Variants in CEMIP observed in about 807,000 individuals in gnomAD.
CEMIP encodes cell migration inducing hyaluronidase 1, also known as cell migration-inducing and hyaluronan-binding protein.
In CEMIP, 105 loss-of-function variants were observed where a neutral mutation model predicts 156.9. The observed-to-expected ratio is 0.67, with a 90% CI of 0.57 to 0.79. The LOEUF (loss-of-function observed/expected upper bound fraction) is 0.79, where lower values mean the gene tolerates loss of function less well. CEMIP is among the 30% of genes least tolerant of loss of function. The pLI, the probability that CEMIP is intolerant of heterozygous loss-of-function variation, is 0.00. For synonymous variants in CEMIP, 676 were observed against 668.4 expected, an observed-to-expected ratio of 1.01 and a Z score of -0.17; for missense variants, 1,457 against 1,769.4, an observed-to-expected ratio of 0.82 and a Z score of 3.17.
chr15:80,904,477 G>C (rs767191136), intron 12 of CEMIP, among the ~76,000 whole-genome samples: 1 of 152,202 alleles, frequency 6.6e-6, no homozygotes. Flanking sequence ...ACCCATGAAT[G>C]TTAGCTTATG....
intron 25 of CEMIP, among the ~76,000 whole-genome samples, chr15:80,938,425 T>G (rs1217398340): frequency 6.6e-6 from 1 of 152,082 alleles, no homozygotes; most frequent in East Asian, 1.9e-4. Context: ...GCCAACATGG[T>G]GAAACCCCGT....
intron 7 of CEMIP, among the ~76,000 whole-genome samples, chr15:80,885,032 A>C (rs190871147): frequency 1.7e-3 from 263 of 152,300 alleles, no homozygotes; most frequent in African/African-American, 6.1e-3. Flanking sequence ...TATTAAGCCC[A>C]GCATCCACTA....
Position 80,882,401 on chromosome 15 carries a change from T to C in CEMIP, c.617+1265T>C, listed in dbSNP as rs545331357. On this transcript the variant is annotated intron_variant, in intron 6 of 29. Coordinates refer to ENST00000394685, the MANE Select transcript of CEMIP (RefSeq NM_001293298.2). Reference sequence around the variant, plus strand: ...TCACAAGGTTGGAAAGTGTTGGAGATGGGATTCAAACCCAGGTGTGCCTGT... The same window carrying C: ...TCACAAGGTTGGAAAGTGTTGGAGACGGGATTCAAACCCAGGTGTGCCTGT... Among the ~76,000 whole-genome samples, 7 of 152,358 alleles carry C rather than the reference T, an allele frequency of 4.6e-5. No homozygotes were observed. The South Asian group carries it at 1.2e-3, about 27-fold the overall frequency.
intron 1 of CEMIP, among the ~76,000 whole-genome samples, chr15:80,863,044 G>A (rs920983880): frequency 3.9e-5 from 6 of 152,178 alleles, no homozygotes; most frequent in Non-Finnish European, 4.4e-5. Flanking sequence ...CTGTAGGAGG[G>A]GCAGGCTGGC....
chr15:80,921,601 C>T (rs1468099229), intron 16 of CEMIP, among the ~76,000 whole-genome samples: 1 of 152,162 alleles, frequency 6.6e-6, no homozygotes, highest in African/African-American at 2.4e-5. Context: ...CTGCTCTCAC[C>T]CACCCGTCCA....
intron 25 of CEMIP, among the ~76,000 whole-genome samples, chr15:80,938,429 A>AC (rs1201333632): frequency 6.6e-6 from 1 of 152,024 alleles, no homozygotes; most frequent in Non-Finnish European, 1.5e-5. Flanking sequence ...ACATGGTGAA[A>AC]CCCCGTCTCT....
chr15:80,807,469 C>T (rs1321653055), intron 1 of CEMIP, among the ~76,000 whole-genome samples: 1 of 152,182 alleles, frequency 6.6e-6, no homozygotes, highest in Non-Finnish European at 1.5e-5. Flanking sequence ...AAATGATCCT[C>T]CTGCCTTGGC....
chr15:80,943,830 A>G (rs976905701), intron 28 of CEMIP, among the ~76,000 whole-genome samples: 1 of 152,074 alleles, frequency 6.6e-6, no homozygotes, highest in African/African-American at 2.4e-5. Context: ...AGTTGCCCCA[A>G]CTCCAACCCA....
intron 1 of CEMIP, among the ~76,000 whole-genome samples, chr15:80,781,031 T>C (rs898987539): frequency 6.6e-6 from 1 of 152,152 alleles, no homozygotes; most frequent in African/African-American, 2.4e-5. Flanking sequence ...TGTGGTTCTC[T>C]GGCTTTTCTA....
chr15:80,929,136 C>A lies in CEMIP; in HGVS notation c.2574C>A (p.Gly858=), dbSNP rs568369498. 6 of 1,614,176 alleles carry A rather than the reference C, an allele frequency of 3.7e-6. No homozygotes were observed. In the African/African-American group the frequency reaches 8.0e-5, roughly 22 times the overall value. The change falls in exon 21 of 30, where the codon GGC becomes GGA. Residue 858 remains glycine (G), a synonymous_variant. Coordinates refer to ENST00000394685, the MANE Select transcript of CEMIP (RefSeq NM_001293298.2). The stretch of plus-strand genomic sequence containing the variant: ...TGGACAATAGGATCTGGGGCCCTGG[C>A]GGCTTGGACCATAGCGGAAGGACCC... The part of the protein sequence containing the change: ...EMMDNRIWGP[G]GLDHSGRTLP...
intron 1 of CEMIP, among the ~76,000 whole-genome samples, chr15:80,822,298 G>A (rs55653454): frequency 2.6e-5 from 4 of 151,958 alleles, no homozygotes; most frequent in Non-Finnish European, 4.4e-5. Flanking sequence ...GTTGCCTGCC[G>A]CTGGGGCTAC....
At chr15:80,800,426 A>G (rs1273600275) in intron 1 of CEMIP, among the ~76,000 whole-genome samples, 1 of 152,156 alleles carries the variant, frequency 6.6e-6, no homozygotes, top group African/African-American at 2.4e-5. Flanking sequence ...GAATGAATAA[A>G]ATCATTAATG....
At chr15:80,895,589 T>C (rs558105674) in intron 11 of CEMIP, among the ~76,000 whole-genome samples, 19 of 152,286 alleles carry the variant, frequency 1.2e-4, no homozygotes, top group Admixed American at 1.2e-3. Context: ...TTTTACATCT[T>C]GAGCAAAGTG....
intron 1 of CEMIP, among the ~76,000 whole-genome samples, chr15:80,871,652 G>T (rs1212062081): frequency 1.3e-5 from 2 of 152,286 alleles, no homozygotes; most frequent in East Asian, 1.9e-4. Context: ...CCAAGGAAGG[G>T]CTCCTCTGAA....
At chr15:80,946,144 A>G (rs954743550) in intron 28 of CEMIP, 3 of 152,264 alleles carry the variant, frequency 2.0e-5, no homozygotes, top group African/African-American at 7.2e-5. Context: ...CCCGAGCATC[A>G]TGGTAACGAC....
At chr15:80,924,831 AG>A in intron 18 of CEMIP, 125 bp downstream of exon 18, 1 of 874,188 alleles carries the variant, frequency 1.1e-6, no homozygotes, top group Non-Finnish European at 1.9e-6. Flanking sequence ...CTGGGCTTTG[AG>A]CTAGTTGCTG....
intron 1 of CEMIP, among the ~76,000 whole-genome samples, chr15:80,847,345 A>T (rs922413909): frequency 6.6e-6 from 1 of 152,214 alleles, no homozygotes; most frequent in African/African-American, 2.4e-5. Context: ...TGCTGCACCC[A>T]GCCCTTATGT....
rs548868757 is a variant in CEMIP at position 80,830,116 on chromosome 15, T to C, written c.-175-43422T>C. ...GGACCGCTCTACACAAATGACTCCT[T>C]GTCTCACAATTCCTCATGGGCCAAG... On this transcript the variant is annotated intron_variant, in intron 1 of 29. Transcript: ENST00000394685. Among the ~76,000 whole-genome samples the C allele has an allele frequency of 1.4e-3, 217 of 152,306 alleles. 1 individual carries two copies. Among genetic ancestry groups the C allele is most frequent in the Non-Finnish European group, 2.4e-3 (163 of 68,032 alleles).
chr15:80,948,605 C>A (rs1901668990), intron 29 of CEMIP, 192 bp from the exon 30 acceptor site: 4 of 732,866 alleles, frequency 5.5e-6, no homozygotes, highest in Non-Finnish European at 7.0e-6. Flanking sequence ...TGAGACCCTG[C>A]CTGCCCCATA....
Sources: allele counts gnomAD v4.1 joint callset (sites outside exome capture counted in the v4.1 genomes callset), GRCh38; gene constraint gnomAD v4.1.1; transcripts MANE v1.5; gene names NCBI Gene and HGNC (gene_info 2026-07-23, HGNC 2026-07-21).